Variants in TMC1 observed in about 807,000 individuals in gnomAD.
TMC1 encodes transmembrane channel like 1.
Under a neutral mutation model 105.8 loss-of-function variants are expected in TMC1, and 84 were observed. The ratio of observed to expected loss-of-function variants is 0.79; its 90% CI spans 0.67 to 0.95. TMC1 has a LOEUF of 0.95. Among genes scored for constraint, TMC1 ranks in the 40% least tolerant of loss-of-function variants. The pLI is 0.00. For synonymous variants in TMC1, 315 were observed against 311.5 expected (o/e 1.01, Z -0.12); for missense variants, 817 against 914.1 (o/e 0.89, Z 1.37).
At chr9:72,578,813 C>A (rs933258584) in intron 2 of TMC1, among the ~76,000 whole-genome samples, 2 of 152,296 alleles carry the variant, frequency 1.3e-5, no homozygotes, top group African/African-American at 4.8e-5. Context: ...CAATTTCTGG[C>A]ATTCTGAGAA....
At chr9:72,831,584 C>A (rs947604092) in intron 23 of TMC1, among the ~76,000 whole-genome samples, 7 of 150,188 alleles carry the variant, frequency 4.7e-5, no homozygotes, top group Admixed American at 4.6e-4. Flanking sequence ...CTAGCCCTCC[C>A]TGCTCCCCCC....
intron 1 of TMC1, among the ~76,000 whole-genome samples, chr9:72,529,830 AC>A (rs1823468861): frequency 2.0e-5 from 3 of 152,328 alleles, no homozygotes; most frequent in Middle Eastern, 6.8e-3. Context: ...AGTTTCCCTC[AC>A]CTGCAGCTAG....
intron 5 of TMC1, among the ~76,000 whole-genome samples, chr9:72,664,482 C>T (rs1826012619): frequency 6.6e-6 from 1 of 152,178 alleles, no homozygotes; most frequent in Non-Finnish European, 1.5e-5. Context: ...GCCTGCCATG[C>T]CCCTCTGTCC....
chr9:72,591,620 G>T lies in TMC1; in HGVS notation c.-306+13597G>T, dbSNP rs987648158. 5.9e-5 allele frequency among the ~76,000 whole-genome samples: 9 copies of T among 152,246 alleles called. No homozygotes were observed. In the East Asian group the frequency reaches 1.5e-3, roughly 26 times the overall value. ...CTGTTGCGTAGGCTAGAGTGCAGTG[G>T]TATAATCATAGCTCACTGCAACCTT... On this transcript the variant is annotated intron_variant, in intron 2 of 23. Transcript: ENST00000297784.
chr9:72,765,662 A>T (rs1286717822), intron 12 of TMC1, among the ~76,000 whole-genome samples: 2 of 152,124 alleles, frequency 1.3e-5, no homozygotes, highest in Non-Finnish European at 2.9e-5. Context: ...AAAAATTCAA[A>T]AAAGAGCCTG....
intron 2 of TMC1, among the ~76,000 whole-genome samples, chr9:72,615,947 C>T (rs1459898219): frequency 1.3e-5 from 2 of 151,908 alleles, no homozygotes; most frequent in African/African-American, 2.4e-5. Context: ...GGGGTTTCAC[C>T]ATGTTGGTCA....
chr9:72,528,045 T>C (rs1039397611), intron 1 of TMC1, among the ~76,000 whole-genome samples: 1 of 152,172 alleles, frequency 6.6e-6, no homozygotes, highest in African/African-American at 2.4e-5. Context: ...GCCAAACTTA[T>C]ATGTTGAAAT....
intron 12 of TMC1, among the ~76,000 whole-genome samples, chr9:72,755,590 A>G (rs531607978): frequency 1.3e-5 from 2 of 152,330 alleles, no homozygotes; most frequent in Admixed American, 6.5e-5. Context: ...TTTGGACTAT[A>G]TGATTCAAGT....
chr9:72,680,254 C>T (rs1441998795), intron 5 of TMC1, among the ~76,000 whole-genome samples: 1 of 151,926 alleles, frequency 6.6e-6, no homozygotes, highest in Admixed American at 6.6e-5. Flanking sequence ...ATACCACATT[C>T]TATGTGAATT....
intron 8 of TMC1, among the ~76,000 whole-genome samples, chr9:72,710,853 T>C (rs1826823541): frequency 6.6e-6 from 1 of 152,146 alleles, no homozygotes. Flanking sequence ...GTTACATAGG[T>C]ATACACATGC....
chr9:72,754,105 G>A (rs1013023703), intron 11 of TMC1, among the ~76,000 whole-genome samples: 13 of 152,104 alleles, frequency 8.5e-5, no homozygotes, highest in African/African-American at 3.1e-4. Context: ...TGCTTGGTAA[G>A]CTATGGGGGC....
chr9:72,757,107 T>G (rs939819882), intron 12 of TMC1, among the ~76,000 whole-genome samples: 1 of 152,176 alleles, frequency 6.6e-6, no homozygotes, highest in Middle Eastern at 3.2e-3. Flanking sequence ...TGAGAGAAAT[T>G]TTAAAGGTCA....
chr9:72,641,069 A>G (rs997633415), intron 4 of TMC1, among the ~76,000 whole-genome samples: 26 of 152,248 alleles, frequency 1.7e-4, no homozygotes, highest in African/African-American at 6.3e-4. Context: ...GCCTAAACCA[A>G]TGACACTTAT....
intron 8 of TMC1, among the ~76,000 whole-genome samples, chr9:72,709,618 A>T (rs1193086900): frequency 6.6e-6 from 1 of 152,150 alleles, no homozygotes; most frequent in Non-Finnish European, 1.5e-5. Flanking sequence ...GAATTTATTC[A>T]TCTCTTCTAG....
intron 17 of TMC1, among the ~76,000 whole-genome samples, chr9:72,799,015 A>G (rs1273239095): frequency 6.6e-6 from 1 of 152,138 alleles, no homozygotes; most frequent in Non-Finnish European, 1.5e-5. Flanking sequence ...CAGAGAAAAG[A>G]AATAATGTTT....
intron 8 of TMC1, among the ~76,000 whole-genome samples, chr9:72,734,528 A>G (rs1386517320): frequency 4.6e-5 from 7 of 151,832 alleles, no homozygotes; most frequent in Non-Finnish European, 1.0e-4. Context: ...CAGCCTAACT[A>G]TGAAGTTATA....
intron 8 of TMC1, among the ~76,000 whole-genome samples, chr9:72,734,745 T>C (rs1827271982): frequency 6.6e-6 from 1 of 152,214 alleles, no homozygotes; most frequent in South Asian, 2.1e-4. Context: ...AGTACAAGTT[T>C]TGATTACAGT....
intron 5 of TMC1, among the ~76,000 whole-genome samples, chr9:72,678,104 A>G (rs927667801): frequency 6.6e-6 from 1 of 152,154 alleles, no homozygotes; most frequent in African/African-American, 2.4e-5. Context: ...AAATTTTGCA[A>G]TCAATGTAAC....
intron 12 of TMC1, among the ~76,000 whole-genome samples, chr9:72,763,784 A>ATT (rs5898270): frequency 1.4e-5 from 2 of 147,984 alleles, no homozygotes; most frequent in Non-Finnish European, 3.0e-5. Context: ...TGCACTAATT[A>ATT]TTTTTTTTTT....
Sources: gnomAD v4.1 joint callset for allele counts (sites outside exome capture counted in the v4.1 genomes callset) on GRCh38, gnomAD v4.1.1 for gene constraint, MANE v1.5 for transcripts, NCBI Gene and HGNC (gene_info 2026-07-23, HGNC 2026-07-21) for gene names.